MICALL2: variants seen among roughly 807,000 people sequenced by gnomAD.
MICALL2 encodes the protein MICAL like 2.
A neutral mutation model predicts 91.1 loss-of-function variants in MICALL2; 111 were observed. The observed-to-expected ratio is 1.22, with a 90% CI of 1.04 to 1.43. The LOEUF is 1.43. Among genes scored for constraint, MICALL2 ranks in the 40% most tolerant of loss-of-function variants. The probability of loss-of-function intolerance (pLI) is 0.00; values close to 1 mark genes in which losing one functional copy is unlikely to be tolerated. For synonymous variants in MICALL2, 694 were observed against 525.3 expected (o/e 1.32, Z -4.39); for missense variants, 1,556 against 1,236.0 (o/e 1.26, Z -3.88).
At chr7:1,450,350 G>A (rs559511758) in intron 1 of MICALL2, 62 bp from the exon 2 acceptor site, 2 of 1,384,450 alleles carry the variant, frequency 1.4e-6, no homozygotes, top group African/African-American at 1.4e-5. Context: ...GGGCTGGAGG[G>A]CCTCAGAGGT....
chr7:1,435,165 G>C lies in MICALL2; in HGVS notation c.2592-18C>G. The C allele has an allele frequency of 6.2e-7, 1 of 1,613,156 alleles. No homozygotes were observed. Among genetic ancestry groups the C allele is most frequent in the Non-Finnish European group, 8.5e-7 (1 of 1,179,862 alleles). On this transcript the variant is annotated intron_variant, in intron 15 of 16. Transcript: ENST00000297508. ...CTTGTTCCCTGAAACGGGACCAGATGGCCATGAGCGACAATGGCAATGGCA... is the reference window on the plus strand; with the variant it reads ...CTTGTTCCCTGAAACGGGACCAGATCGCCATGAGCGACAATGGCAATGGCA...
chr7:1,440,926 C>T (rs970090818), intron 7 of MICALL2: 6 of 515,230 alleles, frequency 1.2e-5, no homozygotes, highest in African/African-American at 9.7e-5. Flanking sequence ...GCCTCAACTT[C>T]CCCTTCTGCC....
At chr7:1,447,867 G>A (rs1562463306) in intron 3 of MICALL2, 102 bp from the exon 4 acceptor site, 5 of 889,024 alleles carry the variant, frequency 5.6e-6, no homozygotes, top group Non-Finnish European at 7.9e-6. Context: ...TGGTGCCCGG[G>A]GGGGACCTGG....
In MICALL2 at chr7:1,438,883, G is replaced by T. The variant is rs1780118539; in HGVS notation, c.2079C>A (p.Ser693Arg). 8.7e-6 allele frequency: 14 copies of T among 1,610,998 alleles called. No individual in the cohort carries two copies. The highest frequency in any genetic ancestry group is 1.2e-5 in the Non-Finnish European group (14 of 1,179,460). ...EPPGQEARVQ[S>R]WKEEEKKPHL... Reference sequence around the variant, plus strand: ...GAGGTTTCTTCTCCTCCTCCTTCCAGCTCTGCACTCGGGCTTCCTGGCCAG... The same window carrying T: ...GAGGTTTCTTCTCCTCCTCCTTCCATCTCTGCACTCGGGCTTCCTGGCCAG... Residue 693 changes from serine to arginine, a missense_variant, in exon 10 of 17, where the codon AGC (serine) becomes AGA (arginine). Ser to Arg is a moderately radical substitution (Grantham distance 110, BLOSUM62 -1). Transcript: ENST00000297508.
chr7:1,436,006 T>C (rs1473835248), intron 15 of MICALL2, among the ~76,000 whole-genome samples: 23 of 134,658 alleles, frequency 1.7e-4, no homozygotes, highest in Non-Finnish European at 2.9e-4. Context: ...GAGCCGAGAT[T>C]GCGGCCACTG....
chr7:1,450,304 A>C lies in MICALL2; in HGVS notation c.144-16T>G, dbSNP rs1350569071. On this transcript the variant is annotated splice_polypyrimidine_tract_variant and intron_variant, in intron 1 of 16. Coordinates refer to ENST00000297508, the MANE Select transcript of MICALL2 (RefSeq NM_182924.4). ...ACTGAAGTTTCTGGAAGATAAAAACATGATGTCCAAAGCAGCTCAGAGTCC... is the reference window on the plus strand; with the variant it reads ...ACTGAAGTTTCTGGAAGATAAAAACCTGATGTCCAAAGCAGCTCAGAGTCC... 6.2e-7 allele frequency: 1 copy of C among 1,611,574 alleles called. No individual in the cohort carries two copies. The highest frequency in any genetic ancestry group is 8.5e-7 in the Non-Finnish European group (1 of 1,178,512).
At chr7:1,441,747 C>T (rs1310944280) in intron 7 of MICALL2, 1 of 205,924 alleles carries the variant, frequency 4.9e-6, no homozygotes, top group African/African-American at 2.4e-5. Context: ...CATAGGGCAC[C>T]ATCTCCGGTA....
At chr7:1,440,780 G>A in intron 7 of MICALL2, 96 bp from the exon 8 acceptor site, 2 of 1,037,302 alleles carry the variant, frequency 1.9e-6, no homozygotes, top group Admixed American at 1.9e-5. Context: ...TCTTCCCATA[G>A]CCACTCCACC....
chr7:1,440,980 C>T (rs1158171646), intron 7 of MICALL2: 2 of 423,726 alleles, frequency 4.7e-6, no homozygotes, highest in Non-Finnish European at 8.9e-6. Flanking sequence ...GGACCCTGAT[C>T]CTCTGTCCAC....
Position 1,452,860 on chromosome 7 carries a change from G to A in MICALL2, c.144-2572C>T, listed in dbSNP as rs550142844. Among the ~76,000 whole-genome samples the A allele has an allele frequency of 1.2e-4, 19 of 152,154 alleles. No individual in the cohort carries two copies. The highest frequency in any genetic ancestry group is 1.9e-4 in the East Asian group (1 of 5,160). ...TCAACTGGGCTGCACCACCCCGGCC[G>A]GTCCCACAGCCACCACCCATCCTGC... On this transcript the variant is annotated intron_variant, in intron 1 of 16. Transcript: ENST00000297508. The surrounding 1 kb of genome is among the most constrained non-coding windows in gnomAD (Gnocchi z 6.2).
rs751750693 is a variant in MICALL2, at chr7:1,434,585, C to CCTACTGGCTA, written c.*1_*10dup. On this transcript the variant is annotated 3_prime_UTR_variant, in exon 17 of 17. Coordinates refer to ENST00000297508, the MANE Select transcript of MICALL2 (RefSeq NM_182924.4). ...GCCAGGTCCGGGCCGAGCCCACGGC[C>CCTACTGGCTA]CTACTGGCTACTACTGGGAGGGGCT... 4.4e-6 allele frequency: 7 copies of CCTACTGGCTA among 1,608,726 alleles called. No individual in the cohort carries two copies. In the East Asian group the frequency reaches 1.6e-4, roughly 36 times the overall value.
intron 12 of MICALL2, 47 bp downstream of exon 12, chr7:1,438,050 G>T (rs1039362715): frequency 6.4e-7 from 1 of 1,563,236 alleles, no homozygotes; most frequent in Non-Finnish European, 8.7e-7. Context: ...AGGACTGAGG[G>T]TGTCTGTGGG....
chr7:1,436,906 C>T, intron 14 of MICALL2, 50 bp from the exon 15 acceptor site: 3 of 1,364,082 alleles, frequency 2.2e-6, no homozygotes, highest in South Asian at 2.7e-5. Flanking sequence ...TGCCATGCCC[C>T]TCACAGGACA....
At chr7:1,456,415 G>C (rs537082793) in intron 1 of MICALL2, among the ~76,000 whole-genome samples, 2 of 151,946 alleles carry the variant, frequency 1.3e-5, no homozygotes, top group Non-Finnish European at 2.9e-5. Flanking sequence ...GCAAAACCCC[G>C]TCTCTAGAAA....
At chr7:1,446,656 G>A in intron 5 of MICALL2, 57 bp downstream of exon 5, 1 of 1,326,176 alleles carries the variant, frequency 7.5e-7, no homozygotes, top group South Asian at 1.2e-5. Context: ...GGGAGCTGTG[G>A]GAGGGTTCTG....
rs781242165 is a variant in MICALL2 at position 1,445,279 on chromosome 7, C to A, written c.791G>T (p.Gly264Val). The A allele has an allele frequency of 1.9e-5, 30 of 1,612,434 alleles. No individual in the cohort carries two copies. The Admixed American group carries it at 4.2e-4, about 22-fold the overall frequency. ...GLVPRQPGAM[G>V]VDSRTSCSPQ... is the part of the protein sequence containing the mutation. ...GGAACAGGAGGTCCTGGAATCCACA[C>A]CCATGGCCCCTGGCTGTCGGGGGAC... Residue 264 changes from glycine to valine, a missense_variant, in exon 6 of 17, where the codon GGT (glycine) becomes GTT (valine). Gly to Val is a moderately radical substitution (Grantham distance 109, BLOSUM62 -3). Transcript: ENST00000297508.
Position 1,448,643 on chromosome 7 carries a change from T to G in MICALL2, c.311A>C (p.Asn104Thr), listed in dbSNP as rs745684936. The change falls in exon 3 of 17, where the codon AAC becomes ACC. Residue 104 changes from asparagine to threonine, a missense_variant. Coordinates refer to ENST00000297508, the MANE Select transcript of MICALL2 (RefSeq NM_182924.4). Reference sequence around the variant, plus strand: ...ACTGGGGGAGCGGCCGTGGAAGTAGTTGTAATACTGGGACACGTAGGTCAA... The same window carrying G: ...ACTGGGGGAGCGGCCGTGGAAGTAGGTGTAATACTGGGACACGTAGGTCAA... ...SILTYVSQYY[N>T]YFHGRSPIGG... 1 of 1,612,534 alleles carries G rather than the reference T, an allele frequency of 6.2e-7. No homozygotes were observed. Among genetic ancestry groups the G allele is most frequent in the Non-Finnish European group, 8.5e-7 (1 of 1,179,842 alleles).
At chr7:1,448,824 C>A in intron 2 of MICALL2, 63 bp from the exon 3 acceptor site, 2 of 1,584,716 alleles carry the variant, frequency 1.3e-6, no homozygotes. Flanking sequence ...CACCAGGCCG[C>A]AGCTCACCTC....
At chr7:1,437,128 CT>C (rs1780008218) in intron 14 of MICALL2, 1 of 482,606 alleles carries the variant, frequency 2.1e-6, no homozygotes, top group South Asian at 3.2e-5. Flanking sequence ...GTCGCTGTCC[CT>C]GCAGCACAGC....
Sources: gnomAD v4.1 joint callset for allele counts (sites outside exome capture counted in the v4.1 genomes callset) on GRCh38, gnomAD v4.1.1 for gene constraint, Gnocchi (gnomAD v3.1) non-coding constraint, MANE v1.5 for transcripts, NCBI Gene and HGNC (gene_info 2026-07-23, HGNC 2026-07-21) for gene names.